Variants in CDK11A observed in about 807,000 individuals in gnomAD.
The protein encoded by CDK11A is cyclin dependent kinase 11A.
Under a neutral mutation model 83.6 loss-of-function variants are expected in CDK11A, and 55 were observed. The observed-to-expected ratio is 0.66, with a 90% CI of 0.53 to 0.82. The LOEUF (loss-of-function observed/expected upper bound fraction) is 0.82, where lower values mean the gene tolerates loss of function less well. CDK11A is among the 40% of genes least tolerant of loss of function. The probability of loss-of-function intolerance (pLI) is 0.00; values close to 1 mark genes in which losing one functional copy is unlikely to be tolerated. For missense variants in CDK11A, 564 were observed against 810.1 expected, an observed-to-expected ratio of 0.70 and a Z score of 3.69; for synonymous variants, 247 against 302.7, an observed-to-expected ratio of 0.82 and a Z score of 1.91.
At position 1,723,294 on chromosome 1, in the gene CDK11A, G is replaced by C. The variant is rs1478071365; in HGVS notation, c.-13-463C>G. Among the ~76,000 whole-genome samples the C allele has an allele frequency of 3.5e-4, 23 of 64,858 alleles. 1 individual carries two copies. Among genetic ancestry groups the C allele is most frequent in the African/African-American group, 9.0e-4 (23 of 25,636 alleles). 42.5% of individuals were successfully genotyped at this position (64,858 alleles called of 152,430 possible). On this transcript the variant is annotated intron_variant, in intron 1 of 19. Transcript: ENST00000404249. ...TGAGGCGGGTGGATCACAAGGTCGG[G>C]AGGTCAAGACCAGCCTGGCCAACAC...
chr1:1,704,305 A>G lies in CDK11A; in HGVS notation c.1604T>C (p.Val535Ala). 1 of 1,605,850 alleles carries G rather than the reference A, an allele frequency of 6.2e-7. No homozygotes were observed. Among genetic ancestry groups the G allele is most frequent in the Non-Finnish European group, 8.5e-7 (1 of 1,175,654 alleles). ...GATCCAGTTGTCGTGCAGGTGTTTC[A>G]CCCCCCGCAGCAGCTGGATCATCAG... ...KTLMIQLLRG[V>A]KHLHDNWILH... The change falls in exon 15 of 20, where the codon GTG becomes GCG. Residue 535 changes from valine (V) to alanine (A), a missense_variant. Val to Ala is a moderately conservative substitution (Grantham distance 64). Around this residue, in one of 5 missense-constraint regions of CDK11A, gnomAD observed 361 missense variants for 402.7 expected, o/e 0.90. Transcript: ENST00000404249.
chr1:1,716,081 C>A (rs546195989), intron 5 of CDK11A, among the ~76,000 whole-genome samples: 1 of 150,754 alleles, frequency 6.6e-6, no homozygotes, highest in African/African-American at 2.4e-5. Flanking sequence ...TGAGCCACTG[C>A]GCCCGGCGGG....
rs1180515701 is a variant in CDK11A at position 1,714,626 on chromosome 1, G to A, written c.488+1720C>T. Among the ~76,000 whole-genome samples the A allele has an allele frequency of 7.1e-5, 5 of 70,576 alleles. 1 individual carries two copies. The highest frequency in any genetic ancestry group is 2.1e-4 in the Non-Finnish European group (5 of 23,890). 46.3% of individuals were successfully genotyped at this position (70,576 alleles called of 152,430 possible). The stretch of plus-strand genomic sequence containing the variant: ...AATTTTCAACCTTGGCTTCCTAGGG[G>A]TCACCACCATGGCTGCACAGCTTAG... On this transcript the variant is annotated intron_variant, in intron 5 of 19. Transcript: ENST00000404249.
At chr1:1,704,177 G>A (rs1449648112) in intron 15 of CDK11A, 31 bp from the exon 16 acceptor site, 3 of 1,607,820 alleles carry the variant, frequency 1.9e-6, no homozygotes, top group Admixed American at 3.3e-5. Flanking sequence ...CTGTGGGTGG[G>A]CCTGGGCGGG....
At chr1:1,707,293 G>T (rs1441794656) in intron 11 of CDK11A, 116 bp downstream of exon 11, 11 of 975,352 alleles carry the variant, frequency 1.1e-5, no homozygotes, top group Non-Finnish European at 1.6e-5. Context: ...GCCCCAGTGG[G>T]CCCAGCAGCC....
At position 1,704,363 on chromosome 1, in the gene CDK11A, C is replaced by T. The variant is rs1262480379; in HGVS notation, c.1565-19G>A. On this transcript the variant is annotated intron_variant, in intron 14 of 19. Transcript: ENST00000404249. Reference sequence around the variant, plus strand: ...ACCTCCCCTGGGAGGGAGGGAGGCTCCCATGTGGACCCGGCCGCCCCAAGC... The same window carrying T: ...ACCTCCCCTGGGAGGGAGGGAGGCTTCCATGTGGACCCGGCCGCCCCAAGC... 6.2e-7 allele frequency: 1 copy of T among 1,606,052 alleles called. No individual in the cohort carries two copies. Among genetic ancestry groups the T allele is most frequent in the Admixed American group, 1.7e-5 (1 of 59,466 alleles).
rs543593425 is a variant in CDK11A, at chr1:1,717,344, G to A, written c.356-866C>T. ...ATTAATCAAGCGTATTTATAATAAT[G>A]AGATTTCAATCGGGCTCCAGGTCCA... On this transcript the variant is annotated intron_variant, in intron 4 of 19. Coordinates refer to ENST00000404249, the MANE Select transcript of CDK11A (RefSeq NM_024011.4). Among the ~76,000 whole-genome samples the A allele has an allele frequency of 3.5e-4, 52 of 149,548 alleles. 3 individuals carry two copies. Among genetic ancestry groups the A allele is most frequent in the African/African-American group, 1.2e-3 (50 of 41,126 alleles).
Position 1,704,928 on chromosome 1 carries a change from C to T in CDK11A, c.1434G>A (p.Gln478=). The T allele has an allele frequency of 6.3e-7, 1 of 1,595,278 alleles. No individual in the cohort carries two copies. Among genetic ancestry groups the T allele is most frequent in the Non-Finnish European group, 8.5e-7 (1 of 1,172,532 alleles). Reference sequence around the variant, plus strand: ...CTCTAACGGTGACAATGTTGGGATGCTGGGCCTTGAGGATGGTGTTGATCT... The same window carrying T: ...CTCTAACGGTGACAATGTTGGGATGTTGGGCCTTGAGGATGGTGTTGATCT... ...LREINTILKA[Q]HPNIVTVREI... The change falls in exon 13 of 20, where the codon CAG becomes CAA. Residue 478 remains glutamine, a synonymous_variant. Transcript: ENST00000404249.
rs1570431143 is a variant in CDK11A, at chr1:1,719,222, T to A, written c.355+106A>T. 2.9e-6 allele frequency: 3 copies of A among 1,049,320 alleles called. No homozygotes were observed. In the East Asian group the frequency reaches 8.6e-5, roughly 30 times the overall value. 65.0% of individuals were successfully genotyped at this position (1,049,320 alleles called of 1,614,324 possible). ...ACACCATTATGCTTTCAGCTACAGT[T>A]TGCTTTCTCTGGTTTTTCAGTGGTG... On this transcript the variant is annotated intron_variant, in intron 4 of 19. Transcript: ENST00000404249.
rs1264642823 is a variant in CDK11A, at chr1:1,704,537, G to A, written c.1564+13C>T. 1.2e-6 allele frequency: 2 copies of A among 1,603,726 alleles called. No individual in the cohort carries two copies. The highest frequency in any genetic ancestry group is 1.7e-6 in the Non-Finnish European group (2 of 1,174,264). On this transcript the variant is annotated intron_variant, in intron 14 of 19. Coordinates refer to ENST00000404249, the MANE Select transcript of CDK11A (RefSeq NM_024011.4). ...CACTTGTACGCAGACAGGACCCCGG[G>A]GCGCGGCTGTACCTGGCAGGAAGGG...
chr1:1,703,903 C>G lies in CDK11A; in HGVS notation c.1832G>C (p.Cys611Ser), dbSNP rs1328006914. 9 of 1,609,654 alleles carry G rather than the reference C, an allele frequency of 5.6e-6. No individual in the cohort carries two copies. Among genetic ancestry groups the G allele is most frequent in the African/African-American group, 1.3e-5 (1 of 74,570 alleles). The change falls in exon 17 of 20, where the codon TGC (cysteine) becomes TCC (serine). Residue 611 changes from cysteine to serine, a missense_variant. Cys to Ser is a moderately radical substitution (Grantham distance 112). Transcript: ENST00000404249. ...CTGAGTCAGCAGCTCCCCGAAGATG[C>G]AGCCCACTGACCACATGTCCACGGC... ...STAVDMWSVG[C>S]IFGELLTQKP... is the part of the protein sequence containing the mutation.
intron 3 of CDK11A, among the ~76,000 whole-genome samples, chr1:1,721,080 T>C: frequency 6.6e-6 from 1 of 150,840 alleles, no homozygotes; most frequent in East Asian, 1.9e-4. Context: ...TTTCACCGTG[T>C]TAGCCAGGAG....
chr1:1,716,741 G>C (rs1247340143), intron 4 of CDK11A, among the ~76,000 whole-genome samples: 1 of 135,480 alleles, frequency 7.4e-6, no homozygotes, highest in Admixed American at 8.9e-5. Context: ...CTTGAACCTG[G>C]GAGGTGGAGG....
chr1:1,723,514 A>AAAAAAAAAAAAAAG (rs1644990770), intron 1 of CDK11A, among the ~76,000 whole-genome samples: 1 of 42,590 alleles, frequency 2.3e-5, no homozygotes, highest in African/African-American at 5.3e-5. Flanking sequence ...AAAAAAAAAA[A>AAAAAAAAAAAAAAG]AAAAAAAAAC....
chr1:1,719,678 C>T (rs1336067446), intron 3 of CDK11A, among the ~76,000 whole-genome samples: 2 of 86,302 alleles, frequency 2.3e-5, no homozygotes, highest in East Asian at 3.3e-4. Context: ...TGTAGACACG[C>T]GATCTCGGAT....
chr1:1,716,814 C>CAAAAAAAAAAAAAAAAAA (rs1168780288), intron 4 of CDK11A, among the ~76,000 whole-genome samples: 3 of 76,680 alleles, frequency 3.9e-5, no homozygotes, highest in African/African-American at 1.2e-4. Context: ...GACTCCATCT[C>CAAAAAAAAAAAAAAAAAA]AAAAAAAAAA....
At chr1:1,721,201 A>G (rs1171632872) in intron 3 of CDK11A, among the ~76,000 whole-genome samples, 1 of 150,764 alleles carries the variant, frequency 6.6e-6, no homozygotes, top group South Asian at 2.1e-4. Context: ...CCGTCTCAAA[A>G]AAAAAAAGAG....
At chr1:1,706,162 T>A (rs1409476735) in intron 11 of CDK11A, among the ~76,000 whole-genome samples, 3 of 148,456 alleles carry the variant, frequency 2.0e-5, no homozygotes, top group Admixed American at 6.7e-5. Context: ...AACCTCCACC[T>A]CCTGGGTTCA....
At chr1:1,721,157 C>T (rs539895673) in intron 3 of CDK11A, among the ~76,000 whole-genome samples, 1 of 149,146 alleles carries the variant, frequency 6.7e-6, no homozygotes, top group African/African-American at 2.5e-5. Context: ...GGCGCCACTG[C>T]ACTCCAGCCT....
Sources: gnomAD v4.1 joint callset for allele counts (sites outside exome capture counted in the v4.1 genomes callset) on GRCh38, gnomAD v4.1.1 for gene constraint, gnomAD v4.1.1 regional missense constraint, MANE v1.5 for transcripts, NCBI Gene and HGNC (gene_info 2026-07-23, HGNC 2026-07-21) for gene names.